Variants in FANCI observed in about 807,000 individuals in gnomAD.
FANCI encodes Fanconi anemia group I protein.
A neutral mutation model predicts 176.1 loss-of-function variants in FANCI; 156 were observed. The ratio of observed to expected loss-of-function variants is 0.89; its 90% confidence interval spans 0.78 to 1.01. The LOEUF (loss-of-function observed/expected upper bound fraction) is 1.01, where lower values mean the gene tolerates loss of function less well. FANCI is among the 50% of genes least tolerant of loss of function. The pLI, the probability that FANCI is intolerant of heterozygous loss-of-function variation, is 0.00. For synonymous variants in FANCI, 613 were observed against 541.7 expected (o/e 1.13, Z -1.83); for missense variants, 1,678 against 1,534.1 (o/e 1.09, Z -1.57).
chr15:89,283,068 T>A (rs1040658780), intron 16 of FANCI, 68 bp from the exon 17 acceptor site: 87 of 1,527,244 alleles, frequency 5.7e-5, no homozygotes, highest in Non-Finnish European at 7.7e-5. Flanking sequence ...ACTAGCTGGA[T>A]TTTTCTGACC....
chr15:89,269,011 GTT>G (rs766899071), intron 10 of FANCI, among the ~76,000 whole-genome samples: 1 of 152,228 alleles, frequency 6.6e-6, no homozygotes, highest in East Asian at 1.9e-4. Context: ...ACTCAGAAGT[GTT>G]TTAAACTATA....
At chr15:89,247,607 C>G in intron 1 of FANCI, 22 bp from the exon 2 acceptor site, 1 of 1,532,546 alleles carries the variant, frequency 6.5e-7, no homozygotes, top group East Asian at 2.3e-5. Flanking sequence ...CTTCACCCAC[C>G]TCTGACGTTT....
intron 12 of FANCI, among the ~76,000 whole-genome samples, chr15:89,274,986 G>C (rs2053354714): frequency 6.6e-6 from 1 of 151,808 alleles, no homozygotes; most frequent in African/African-American, 2.4e-5. Flanking sequence ...CTCTATTATA[G>C]CACGGTAAAG....
intron 9 of FANCI, among the ~76,000 whole-genome samples, chr15:89,266,165 GTT>G (rs34065435): frequency 0.048 from 5,307 of 109,672 alleles, 303 homozygotes; most frequent in African/African-American, 0.17. Context: ...CCTGGCTACT[GTT>G]TTTTTTTTTT....
At chr15:89,296,790 G>A (rs571519042) in intron 24 of FANCI, among the ~76,000 whole-genome samples, 5 of 151,528 alleles carry the variant, frequency 3.3e-5, no homozygotes, top group East Asian at 2.0e-4. Context: ...CAGACGGGGC[G>A]GCTGGCCAGG....
At chr15:89,266,751 G>T (rs191361938) in intron 9 of FANCI, among the ~76,000 whole-genome samples, 214 of 152,258 alleles carry the variant, frequency 1.4e-3, no homozygotes, top group Non-Finnish European at 1.2e-3. Context: ...GGAATTACAG[G>T]AGCAAGCTGC....
chr15:89,307,934 A>G (rs2151943978), intron 34 of FANCI: 1 of 1,346,556 alleles, frequency 7.4e-7, no homozygotes, highest in Non-Finnish European at 9.6e-7. Flanking sequence ...AAGCATGCTC[A>G]GGCTCAAGGA....
At chr15:89,310,879 CTT>C (rs1567177673) in intron 34 of FANCI, among the ~76,000 whole-genome samples, 1 of 151,920 alleles carries the variant, frequency 6.6e-6, no homozygotes, top group African/African-American at 2.4e-5. Context: ...AATCCCAGCA[CTT>C]TGGGAGGCCG....
chr15:89,311,517 G>C (rs138670437), intron 34 of FANCI, among the ~76,000 whole-genome samples: 1 of 152,258 alleles, frequency 6.6e-6, no homozygotes, highest in East Asian at 1.9e-4. Context: ...GTTCCAACAG[G>C]GCCCCATCTT....
In FANCI at chr15:89,316,995, TAA is replaced by T. The variant is rs1163263957; in HGVS notation, c.*537_*538del. 1.1e-5 allele frequency: 7 copies of T among 652,934 alleles called. No individual in the cohort carries two copies. Among genetic ancestry groups the T allele is most frequent in the African/African-American group, 7.3e-5 (4 of 54,802 alleles). The allele number at this position is 652,934 out of a possible 1,614,324, so 40.4% of individuals were successfully genotyped here. A position where few individuals can be genotyped will look rare whatever the true frequency, so the allele number is the denominator to read the frequency against. Reference sequence around the variant, plus strand: ...TAGGAGGGTCTGTTTTCTTTTTATATAAGTGTGTCTTAGATATATTTTAAATA... The same window carrying T: ...TAGGAGGGTCTGTTTTCTTTTTATATGTGTGTCTTAGATATATTTTAAATA... On this transcript the variant is annotated 3_prime_UTR_variant, in exon 38 of 38. Coordinates refer to ENST00000310775, the MANE Select transcript of FANCI (RefSeq NM_001113378.2).
At chr15:89,267,449 G>C (rs929789862) in intron 9 of FANCI, among the ~76,000 whole-genome samples, 1 of 151,830 alleles carries the variant, frequency 6.6e-6, no homozygotes, top group African/African-American at 2.4e-5. Context: ...ATTAAGATGG[G>C]ACTTTATTGT....
At chr15:89,250,826 T>C (rs889605726) in intron 2 of FANCI, among the ~76,000 whole-genome samples, 1 of 151,206 alleles carries the variant, frequency 6.6e-6, no homozygotes, top group Non-Finnish European at 1.5e-5. Flanking sequence ...TAAAAATCCA[T>C]GGAATAATGT....
intron 28 of FANCI, among the ~76,000 whole-genome samples, chr15:89,304,690 C>T (rs888694233): frequency 2.1e-4 from 32 of 152,064 alleles, no homozygotes; most frequent in African/African-American, 6.3e-4. Context: ...GCCTGAGACA[C>T]GACAAGCTAC....
intron 12 of FANCI, 24 bp from the exon 13 acceptor site, chr15:89,276,687 T>C: frequency 6.2e-7 from 1 of 1,614,056 alleles, no homozygotes; most frequent in Non-Finnish European, 8.5e-7. Context: ...TTTTCTTTTT[T>C]AACTAAGCTT....
intron 2 of FANCI, among the ~76,000 whole-genome samples, chr15:89,248,483 C>T (rs183937645): frequency 5.9e-5 from 9 of 152,118 alleles, no homozygotes; most frequent in African/African-American, 2.2e-4. Flanking sequence ...TGTGTGTTAT[C>T]TGACATACTA....
intron 2 of FANCI, among the ~76,000 whole-genome samples, chr15:89,257,531 G>A (rs540197414): frequency 6.6e-6 from 1 of 152,218 alleles, no homozygotes; most frequent in African/African-American, 2.4e-5. Flanking sequence ...TGTATCACCT[G>A]ATATCTGCTT....
chr15:89,258,213 T>C (rs1702461227), intron 2 of FANCI, among the ~76,000 whole-genome samples: 1 of 152,188 alleles, frequency 6.6e-6, no homozygotes, highest in South Asian at 2.1e-4. Context: ...CCGCCAGGTC[T>C]CTACTTAAAT....
Position 89,316,865 on chromosome 15 carries a change from A to C in FANCI, c.*406A>C. On this transcript the variant is annotated 3_prime_UTR_variant, in exon 38 of 38. Transcript: ENST00000310775. ...GCAAATTGGTTAGGATGCCACCTCA[A>C]GAACTGTAACTGAGAGCTCAGAAGT... is the stretch of plus-strand genomic sequence containing the variant. The C allele has an allele frequency of 6.9e-7, 1 of 1,450,538 alleles. No homozygotes were observed. 89.9% of individuals were successfully genotyped at this position (1,450,538 alleles called of 1,614,324 possible). A position where few individuals can be genotyped will look rare whatever the true frequency, so the allele number is the denominator to read the frequency against.
At chr15:89,305,451 C>T in intron 30 of FANCI, 42 bp downstream of exon 30, 1 of 1,612,330 alleles carries the variant, frequency 6.2e-7, no homozygotes, top group Non-Finnish European at 8.5e-7. Context: ...CTTTGTCATT[C>T]TTTCCATTCT....
Sources: gnomAD v4.1 joint callset for allele counts (sites outside exome capture counted in the v4.1 genomes callset) on GRCh38, gnomAD v4.1.1 for gene constraint, MANE v1.5 for transcripts, NCBI Gene and HGNC (gene_info 2026-07-23, HGNC 2026-07-21) for gene names.